KCNH7: variants seen among roughly 807,000 people sequenced by gnomAD.
The protein encoded by KCNH7 is voltage-gated inwardly rectifying potassium channel KCNH7.
Under a neutral mutation model 120.8 loss-of-function variants are expected in KCNH7, and 49 were observed. That is an observed-to-expected ratio of 0.41 (90% CI 0.32 to 0.51). KCNH7 has a LOEUF of 0.51. Among genes scored for constraint, KCNH7 ranks in the 20% least tolerant of loss-of-function variants. KCNH7 has a pLI of 0.38. For missense variants in KCNH7, 1,097 were observed against 1,446.6 expected (o/e 0.76, Z 3.92); for synonymous variants, 547 against 516.1 (o/e 1.06, Z -0.81).
intron 2 of KCNH7, among the ~76,000 whole-genome samples, chr2:162,578,808 T>C (rs1044246124): frequency 3.9e-5 from 6 of 152,026 alleles, no homozygotes; most frequent in African/African-American, 1.4e-4. Context: ...TTTGCTATCA[T>C]TGGGAAAATG....
intron 2 of KCNH7, among the ~76,000 whole-genome samples, 194 bp downstream of exon 2, chr2:162,836,343 C>G (rs183650129): frequency 4.7e-4 from 72 of 152,062 alleles, no homozygotes; most frequent in Non-Finnish European, 8.8e-4. Flanking sequence ...ATTACAGTAC[C>G]CTTATTCAAA....
At chr2:162,773,307 G>A (rs1431272585) in intron 2 of KCNH7, among the ~76,000 whole-genome samples, 1 of 152,090 alleles carries the variant, frequency 6.6e-6, no homozygotes, top group Non-Finnish European at 1.5e-5. Context: ...GGCCAATATG[G>A]TGAAACCCTG....
At chr2:162,720,639 C>G (rs749428876) in intron 2 of KCNH7, among the ~76,000 whole-genome samples, 23 of 152,006 alleles carry the variant, frequency 1.5e-4, no homozygotes, top group Non-Finnish European at 5.9e-5. Flanking sequence ...TCACATAATT[C>G]TTCAGTTGAA....
intron 2 of KCNH7, among the ~76,000 whole-genome samples, chr2:162,685,785 T>C (rs545664820): frequency 1.3e-5 from 2 of 149,458 alleles, no homozygotes; most frequent in East Asian, 3.9e-4. Context: ...CAGGAAGAAA[T>C]GTGTCAGGTC....
At chr2:162,377,550 G>A (rs188060176) in intron 14 of KCNH7, among the ~76,000 whole-genome samples, 15 of 152,282 alleles carry the variant, frequency 9.9e-5, no homozygotes, top group Admixed American at 9.8e-4. Flanking sequence ...GGGTGACGCT[G>A]GTTCGAGATT....
chr2:162,495,583 C>A (rs1690470293), intron 6 of KCNH7, among the ~76,000 whole-genome samples: 1 of 152,270 alleles, frequency 6.6e-6, no homozygotes. Flanking sequence ...ACAAAGAACT[C>A]AGTCCTATCA....
chr2:162,590,714 C>T (rs1023837162), intron 2 of KCNH7, among the ~76,000 whole-genome samples: 1 of 152,106 alleles, frequency 6.6e-6, no homozygotes, highest in Non-Finnish European at 1.5e-5. Flanking sequence ...ACAAGCCCAG[C>T]CACTGATCTC....
chr2:162,476,626 T>C (rs965828612), intron 6 of KCNH7, among the ~76,000 whole-genome samples: 1 of 152,220 alleles, frequency 6.6e-6, no homozygotes, highest in Non-Finnish European at 1.5e-5. Context: ...TTCATTAGTA[T>C]ACTTTACTAA....
At position 162,454,763 on chromosome 2, in the gene KCNH7, C is replaced by A. The variant is rs145832066; in HGVS notation, c.1129-8320G>T. ...TGTGTATTGTTGGTGTACAGGAATG[C>A]TTGTCGTTTTTGCACATTGATTTTG... is the stretch of plus-strand genomic sequence containing the variant. On this transcript the variant is annotated intron_variant, in intron 6 of 15. Coordinates refer to ENST00000332142, the MANE Select transcript of KCNH7 (RefSeq NM_033272.4). Among the ~76,000 whole-genome samples the A allele has an allele frequency of 1.9e-3, 295 of 152,100 alleles. 1 individual carries two copies. The highest frequency in any genetic ancestry group is 6.6e-3 in the African/African-American group (275 of 41,512).
chr2:162,523,294 C>T (rs1691593817), intron 3 of KCNH7, among the ~76,000 whole-genome samples: 1 of 151,838 alleles, frequency 6.6e-6, no homozygotes, highest in Non-Finnish European at 1.5e-5. Context: ...TCACCCTTCT[C>T]CCACCAAAGC....
Position 162,518,100 on chromosome 2 carries a change from G to A in KCNH7, c.522C>T (p.Ser174=), listed in dbSNP as rs1691379127. Residue 174 remains serine, a synonymous_variant, in exon 4 of 16, where the codon TCC becomes TCT. Coordinates refer to ENST00000332142, the MANE Select transcript of KCNH7 (RefSeq NM_033272.4). The stretch of plus-strand genomic sequence containing the variant: ...CCACATCGGGGTCTTCTTGTGGTAA[G>A]GACTGCTTTCTGTAAGTGAGAACTC... The part of the protein sequence containing the change: ...GLRVLTYRKQ[S]LPQEDPDVVV... 1.9e-6 allele frequency: 3 copies of A among 1,612,074 alleles called. No homozygotes were observed. The highest frequency in any genetic ancestry group is 2.5e-6 in the Non-Finnish European group (3 of 1,178,754).
intron 9 of KCNH7, among the ~76,000 whole-genome samples, chr2:162,414,772 A>C (rs2105472876): frequency 6.6e-6 from 1 of 152,250 alleles, no homozygotes. Context: ...GTTGCATTTT[A>C]AAAATCCCTT....
chr2:162,695,454 A>T (rs2105334724), intron 2 of KCNH7, among the ~76,000 whole-genome samples: 1 of 152,272 alleles, frequency 6.6e-6, no homozygotes, highest in South Asian at 2.1e-4. Context: ...GGGTGACAAG[A>T]TATTTCTGTG....
chr2:162,797,709 A>G (rs1684193871), intron 2 of KCNH7: 1 of 152,088 alleles, frequency 6.6e-6, no homozygotes, highest in African/African-American at 2.4e-5. Context: ...CATCATGGGC[A>G]GCACTAACCT....
chr2:162,731,470 T>C (rs942143242), intron 2 of KCNH7, among the ~76,000 whole-genome samples: 8 of 151,872 alleles, frequency 5.3e-5, no homozygotes, highest in African/African-American at 1.9e-4. Flanking sequence ...ATTCATTCTA[T>C]TGACTCCTAT....
intron 2 of KCNH7, among the ~76,000 whole-genome samples, chr2:162,743,595 T>C (rs1688214730): frequency 6.6e-6 from 1 of 152,136 alleles, no homozygotes; most frequent in Non-Finnish European, 1.5e-5. Flanking sequence ...ATATTTCTGG[T>C]ATTAAAAATT....
chr2:162,739,685 G>A (rs1688052623), intron 2 of KCNH7, among the ~76,000 whole-genome samples: 1 of 152,064 alleles, frequency 6.6e-6, no homozygotes. Flanking sequence ...TCATTGGGAG[G>A]GTCTCCTCAA....
At chr2:162,712,739 G>C (rs1387803035) in intron 2 of KCNH7, among the ~76,000 whole-genome samples, 1 of 152,056 alleles carries the variant, frequency 6.6e-6, no homozygotes, top group Non-Finnish European at 1.5e-5. Flanking sequence ...TTTTCAACAC[G>C]TATCATTTAG....
intron 2 of KCNH7, among the ~76,000 whole-genome samples, chr2:162,790,149 G>GCATAA (rs1350594890): frequency 6.6e-6 from 1 of 150,838 alleles, no homozygotes; most frequent in Non-Finnish European, 1.5e-5. Context: ...GAAAAAGGAA[G>GCATAA]CATAACCACT....
Sources: allele counts gnomAD v4.1 joint callset (sites outside exome capture counted in the v4.1 genomes callset), GRCh38; gene constraint gnomAD v4.1.1; transcripts MANE v1.5; gene names NCBI Gene and HGNC (gene_info 2026-07-23, HGNC 2026-07-21).